The following MTPAP variants were observed in gnomAD, a reference collection of about 807,000 sequenced individuals.
The protein encoded by MTPAP is poly(A) RNA polymerase, mitochondrial.
MTPAP carries 23 observed loss-of-function variants against 48.7 expected under a neutral mutation model. That is an observed-to-expected ratio of 0.47 (90% confidence interval 0.34 to 0.67). MTPAP has a LOEUF of 0.67. MTPAP is among the 30% of genes least tolerant of loss of function. The pLI, the probability that MTPAP is intolerant of heterozygous loss-of-function variation, is 0.01. For synonymous variants in MTPAP, 257 were observed against 254.1 expected, an observed-to-expected ratio of 1.01 and a Z score of -0.11; for missense variants, 614 against 694.3, an observed-to-expected ratio of 0.88 and a Z score of 1.30.
rs1185929394 is a variant in MTPAP at position 30,310,000 on chromosome 10, C to T, written c.*3609G>A. 6.6e-6 allele frequency: 1 copy of T among 152,116 alleles called. No homozygotes were observed. 9.4% of individuals were successfully genotyped at this position (152,116 alleles called of 1,614,324 possible). A position where few individuals can be genotyped will look rare whatever the true frequency, so the allele number is the denominator to read the frequency against. On this transcript the variant is annotated 3_prime_UTR_variant, in exon 9 of 9. Coordinates refer to ENST00000263063, the MANE Select transcript of MTPAP (RefSeq NM_018109.4). ...GGGCTATAGCTGAAATCGTTTTGAT[C>T]TGGGTAGTCTCCTATCAAAATTACT...
intron 1 of MTPAP, 119 bp downstream of exon 1, chr10:30,349,000 A>G (rs1333349674): frequency 2.5e-5 from 36 of 1,455,858 alleles, no homozygotes; most frequent in Non-Finnish European, 3.2e-5. Context: ...AGGACAGGAC[A>G]CAGCCCCACC....
At chr10:30,331,959 C>G (rs1438226214) in intron 4 of MTPAP, among the ~76,000 whole-genome samples, 1 of 152,178 alleles carries the variant, frequency 6.6e-6, no homozygotes, top group East Asian at 1.9e-4. Flanking sequence ...GCAAAAAAGT[C>G]TAACACACTC....
At chr10:30,328,353 T>C (rs1373715662) in intron 4 of MTPAP, among the ~76,000 whole-genome samples, 2 of 152,126 alleles carry the variant, frequency 1.3e-5, no homozygotes, top group Admixed American at 6.6e-5. Context: ...TTGATGGGAG[T>C]GTAAACAAGG....
chr10:30,337,022 G>A lies in MTPAP; in HGVS notation c.561C>T (p.Asp187=), dbSNP rs747737059. ...FELLCYAESI[D]DQLNTLLKEF... ...CCTTCAAGAGAGTGTTCAGCTGATC[G>A]TCTATCTAGCTAGCCGAAACAAAAC... Residue 187 remains aspartate (D), a synonymous_variant, in exon 4 of 9, where the codon GAC becomes GAT. Coordinates refer to ENST00000263063, the MANE Select transcript of MTPAP (RefSeq NM_018109.4). 11 of 1,612,098 alleles carry A rather than the reference G, an allele frequency of 6.8e-6. No individual in the cohort carries two copies. Among genetic ancestry groups the A allele is most frequent in the East Asian group, 2.2e-5 (1 of 44,880 alleles).
At position 30,340,303 on chromosome 10, in the gene MTPAP, G is replaced by T. The variant is rs752583398; in HGVS notation, c.478C>A (p.Arg160=). 6 of 1,613,988 alleles carry T rather than the reference G, an allele frequency of 3.7e-6. No homozygotes were observed. The African/African-American group carries it at 8.0e-5, about 22-fold the overall frequency. ...TGATTACTTGACCGTACGCGTGACC[G>T]TTCAGAAGTCTGGTTTTTCAACTTC... ...NLKLKNQTSE[R]SRVRSSNQLP... is the part of the protein sequence containing the mutation. Residue 160 remains arginine (R), a synonymous_variant, in exon 3 of 9, where the codon CGG becomes AGG. Transcript: ENST00000263063.
At chr10:30,340,536 A>G (rs1301496132) in intron 2 of MTPAP, 86 bp from the exon 3 acceptor site, 1 of 959,014 alleles carries the variant, frequency 1.0e-6, no homozygotes, top group Non-Finnish European at 1.7e-6. Context: ...AACAATTATC[A>G]TAATGCTACA....
In MTPAP at chr10:30,347,506, G is replaced by A. The variant is rs575733734; in HGVS notation, c.157+1613C>T. Among the ~76,000 whole-genome samples the A allele has an allele frequency of 5.3e-5, 8 of 152,298 alleles. No individual in the cohort carries two copies. The South Asian group carries it at 1.7e-3, about 32-fold the overall frequency. ...TGCAAGAATCCCTGAATATTTAGTC[G>A]TATTATTCTAATGACACAAAATGAA... is the stretch of plus-strand genomic sequence containing the variant. On this transcript the variant is annotated intron_variant, in intron 1 of 8. Coordinates refer to ENST00000263063, the MANE Select transcript of MTPAP (RefSeq NM_018109.4).
chr10:30,348,155 C>G (rs907427424), intron 1 of MTPAP, among the ~76,000 whole-genome samples: 1 of 152,198 alleles, frequency 6.6e-6, no homozygotes. Flanking sequence ...TTCAGCGTTA[C>G]TTAGAAATGT....
rs3802626 is a variant in MTPAP, at chr10:30,317,533, C to T, written c.1220-1323G>A. On this transcript the variant is annotated intron_variant, in intron 6 of 8. Transcript: ENST00000263063. ...CATAAATATACAACCACCATGAAATCCCTGGCCCACACTATCTGCAACAGA... is the reference window on the plus strand; with the variant it reads ...CATAAATATACAACCACCATGAAATTCCTGGCCCACACTATCTGCAACAGA... Among the ~76,000 whole-genome samples the T allele has an allele frequency of 5.4e-4, 82 of 152,272 alleles. 3 individuals carry two copies. The East Asian group carries it at 0.014, about 26-fold the overall frequency.
intron 4 of MTPAP, among the ~76,000 whole-genome samples, chr10:30,332,974 A>T (rs1834687570): frequency 6.6e-6 from 1 of 151,196 alleles, no homozygotes; most frequent in African/African-American, 2.4e-5. Flanking sequence ...ACAAAAAATT[A>T]GCTGGGCGTG....
intron 4 of MTPAP, 112 bp from the exon 5 acceptor site, chr10:30,326,747 G>GA: frequency 3.8e-6 from 3 of 796,460 alleles, no homozygotes; most frequent in East Asian, 2.7e-5. Context: ...AACAAAATAA[G>GA]AAAAAAACAA....
chr10:30,331,787 G>A lies in MTPAP; in HGVS notation c.780+5016C>T, dbSNP rs1030635600. On this transcript the variant is annotated intron_variant, in intron 4 of 8. Coordinates refer to ENST00000263063, the MANE Select transcript of MTPAP (RefSeq NM_018109.4). Reference sequence around the variant, plus strand: ...TCACCACATTGGCCAGGCTGGCCTTGAACTCCTGACCTCAGGTGATCCGCC... The same window carrying A: ...TCACCACATTGGCCAGGCTGGCCTTAAACTCCTGACCTCAGGTGATCCGCC... Among the ~76,000 whole-genome samples, 46 of 152,212 alleles carry A rather than the reference G, an allele frequency of 3.0e-4. 1 individual carries two copies. Among genetic ancestry groups the A allele is most frequent in the Non-Finnish European group, 7.3e-5 (5 of 68,032 alleles).
At chr10:30,336,073 A>T (rs1272347646) in intron 4 of MTPAP, among the ~76,000 whole-genome samples, 6 of 152,188 alleles carry the variant, frequency 3.9e-5, no homozygotes, top group African/African-American at 1.4e-4. Context: ...AATAAAAAAT[A>T]AAACAGGAGA....
intron 6 of MTPAP, among the ~76,000 whole-genome samples, chr10:30,318,436 ATT>A (rs1760528613): frequency 6.6e-6 from 1 of 152,192 alleles, no homozygotes; most frequent in Non-Finnish European, 1.5e-5. Context: ...ATGTTTTACT[ATT>A]TCAAGTAATT....
intron 4 of MTPAP, among the ~76,000 whole-genome samples, chr10:30,328,362 G>A: frequency 6.6e-6 from 1 of 152,160 alleles, no homozygotes; most frequent in Non-Finnish European, 1.5e-5. Context: ...GTGTAAACAA[G>A]GGACATACTT....
At chr10:30,333,226 A>T (rs1834692055) in intron 4 of MTPAP, among the ~76,000 whole-genome samples, 1 of 152,136 alleles carries the variant, frequency 6.6e-6, no homozygotes, top group East Asian at 1.9e-4. Flanking sequence ...CCACTTACAT[A>T]AGAGTAAAAT....
At chr10:30,335,605 C>T (rs1019101691) in intron 4 of MTPAP, among the ~76,000 whole-genome samples, 5 of 151,850 alleles carry the variant, frequency 3.3e-5, no homozygotes, top group African/African-American at 7.3e-5. Flanking sequence ...CATTAGACAT[C>T]GTGTTAAAGA....
intron 5 of MTPAP, among the ~76,000 whole-genome samples, chr10:30,324,089 G>C (rs1251136592): frequency 2.0e-5 from 3 of 152,172 alleles, no homozygotes; most frequent in Non-Finnish European, 4.4e-5. Flanking sequence ...GCTGACGTGG[G>C]AGGATCACCT....
At chr10:30,328,859 G>A (rs1462912691) in intron 4 of MTPAP, among the ~76,000 whole-genome samples, 2 of 152,156 alleles carry the variant, frequency 1.3e-5, no homozygotes, top group Non-Finnish European at 2.9e-5. Context: ...GGGTAGGGAG[G>A]AAGGAGTTAA....
Sources: allele counts gnomAD v4.1 joint callset (sites outside exome capture counted in the v4.1 genomes callset), GRCh38; gene constraint gnomAD v4.1.1; transcripts MANE v1.5; gene names NCBI Gene and HGNC (gene_info 2026-07-23, HGNC 2026-07-21).